The following LRRC4C variants were observed in gnomAD, a reference collection of about 807,000 sequenced individuals.
LRRC4C encodes leucine-rich repeat-containing protein 4C.
In LRRC4C, 5 loss-of-function variants were observed where a neutral mutation model predicts 33.6. The ratio of observed to expected loss-of-function variants is 0.15; its 90% CI spans 0.08 to 0.31. The LOEUF (loss-of-function observed/expected upper bound fraction) is 0.31, where lower values mean the gene tolerates loss of function less well. Ranked by LOEUF, LRRC4C falls within the 10% of genes least tolerant of loss-of-function variation. The pLI, the probability that LRRC4C is intolerant of heterozygous loss-of-function variation, is 1.00. For missense variants in LRRC4C, 560 were observed against 796.7 expected, an observed-to-expected ratio of 0.70 and a Z score of 3.58; for synonymous variants, 329 against 302.0, an observed-to-expected ratio of 1.09 and a Z score of -0.93.
At chr11:41,130,858 C>T (rs1350038684) in intron 1 of LRRC4C, among the ~76,000 whole-genome samples, 2 of 151,936 alleles carry the variant, frequency 1.3e-5, no homozygotes, top group East Asian at 3.9e-4. Flanking sequence ...GTCTCTCCTC[C>T]AACCAATAAT....
intron 5 of LRRC4C, among the ~76,000 whole-genome samples, chr11:40,175,925 G>A (rs965341948): frequency 6.6e-6 from 1 of 152,066 alleles, no homozygotes; most frequent in Non-Finnish European, 1.5e-5. Context: ...TGTGTCCCAT[G>A]CCCTGAACTA....
intron 3 of LRRC4C, among the ~76,000 whole-genome samples, chr11:40,433,734 G>A (rs116678047): frequency 4.6e-5 from 7 of 152,248 alleles, no homozygotes; most frequent in African/African-American, 1.4e-4. Context: ...TGCCCACAGA[G>A]GATATATGTG....
intron 2 of LRRC4C, among the ~76,000 whole-genome samples, chr11:40,825,047 T>C (rs1265607977): frequency 1.3e-5 from 2 of 151,910 alleles, no homozygotes; most frequent in Non-Finnish European, 2.9e-5. Context: ...ATCCACTAAG[T>C]ACATTGTGTA....
Position 40,115,693 on chromosome 11 carries a change from C to T in LRRC4C, c.600G>A (p.Arg200=). The change falls in exon 7 of 7, where the codon AGG becomes AGA. Residue 200 remains arginine, a synonymous_variant. Transcript: ENST00000528697. This position sits in a 1 kb window ranked among gnomAD's most constrained non-coding sequence, Gnocchi z 6.7. ...EGAFEGLSNL[R]YLNLAMCNLR... ...GGTTGCACATGGCAAGGTTCAAATA[C>T]CTCAAGTTGGACAGACCTTCAAAGG... 1 of 1,614,114 alleles carries T rather than the reference C, an allele frequency of 6.2e-7. No homozygotes were observed.
chr11:40,124,229 A>G (rs907070441), intron 6 of LRRC4C, among the ~76,000 whole-genome samples: 8 of 152,176 alleles, frequency 5.3e-5, no homozygotes, highest in African/African-American at 1.7e-4. Flanking sequence ...TATAACCACT[A>G]TGGAATACAC....
intron 1 of LRRC4C, among the ~76,000 whole-genome samples, chr11:41,455,545 G>A (rs1028708858): frequency 6.6e-6 from 1 of 152,004 alleles, no homozygotes; most frequent in South Asian, 2.1e-4. Flanking sequence ...TTTGGAAAAC[G>A]CCAAAACTAT....
intron 4 of LRRC4C, among the ~76,000 whole-genome samples, chr11:40,244,297 C>T (rs1276234678): frequency 6.6e-6 from 1 of 152,000 alleles, no homozygotes; most frequent in Non-Finnish European, 1.5e-5. Context: ...TTCAGCCCCC[C>T]ATCTGAGCTC....
chr11:41,350,146 A>C (rs991124791), intron 1 of LRRC4C, among the ~76,000 whole-genome samples: 1 of 152,228 alleles, frequency 6.6e-6, no homozygotes, highest in Non-Finnish European at 1.5e-5. Context: ...TTTTGACCTC[A>C]GTGACTACCT....
chr11:40,398,494 C>T (rs1046673922), intron 3 of LRRC4C, among the ~76,000 whole-genome samples: 3 of 152,012 alleles, frequency 2.0e-5, no homozygotes, highest in African/African-American at 4.8e-5. Flanking sequence ...AAATGTTCAA[C>T]AGACCTTTGT....
chr11:40,237,221 A>C (rs914440096), intron 5 of LRRC4C, among the ~76,000 whole-genome samples: 4 of 152,186 alleles, frequency 2.6e-5, no homozygotes, highest in African/African-American at 9.6e-5. Context: ...AGTGCAATCT[A>C]GTTGGAAGGG....
chr11:40,336,126 G>A (rs2136970371), intron 3 of LRRC4C, among the ~76,000 whole-genome samples: 1 of 152,204 alleles, frequency 6.6e-6, no homozygotes, highest in Admixed American at 6.5e-5. Context: ...AGATGATGGC[G>A]ATATAATAGC....
chr11:41,071,027 A>T (rs1361593214), intron 1 of LRRC4C, among the ~76,000 whole-genome samples: 1 of 152,216 alleles, frequency 6.6e-6, no homozygotes, highest in African/African-American at 2.4e-5. Flanking sequence ...GTTAGACCAG[A>T]TAAAGAAAAT....
chr11:40,627,765 T>A (rs1963091173), intron 3 of LRRC4C, among the ~76,000 whole-genome samples: 1 of 152,164 alleles, frequency 6.6e-6, no homozygotes, highest in Non-Finnish European at 1.5e-5. Flanking sequence ...GCTGAGAAAC[T>A]CAAGCGTGAA....
intron 1 of LRRC4C, among the ~76,000 whole-genome samples, chr11:41,095,809 G>A (rs1162416197): frequency 1.3e-5 from 2 of 152,164 alleles, no homozygotes; most frequent in Non-Finnish European, 2.9e-5. Flanking sequence ...TGATAACGGT[G>A]GTGTTTTGAT....
intron 2 of LRRC4C, among the ~76,000 whole-genome samples, chr11:40,929,847 C>G (rs1250477871): frequency 1.3e-5 from 2 of 152,116 alleles, no homozygotes; most frequent in African/African-American, 2.4e-5. Flanking sequence ...TTTTCCAAGA[C>G]CTTTCCTCTA....
intron 2 of LRRC4C, among the ~76,000 whole-genome samples, chr11:40,900,878 CTT>C (rs1330920143): frequency 1.3e-5 from 2 of 151,762 alleles, no homozygotes; most frequent in Non-Finnish European, 2.9e-5. Flanking sequence ...TTTACTAAGA[CTT>C]AATATCAATA....
chr11:40,318,022 A>T (rs540378132), intron 4 of LRRC4C, among the ~76,000 whole-genome samples: 1 of 152,234 alleles, frequency 6.6e-6, no homozygotes, highest in Non-Finnish European at 1.5e-5. Context: ...GTGTCAAATT[A>T]AAAATATTGA....
At chr11:40,827,162 C>G (rs1258202096) in intron 2 of LRRC4C, among the ~76,000 whole-genome samples, 1 of 151,750 alleles carries the variant, frequency 6.6e-6, no homozygotes, top group South Asian at 2.1e-4. Context: ...ATAATGGCTA[C>G]TGAAATGTCA....
chr11:40,870,004 T>C (rs902898243), intron 2 of LRRC4C, among the ~76,000 whole-genome samples: 3 of 152,092 alleles, frequency 2.0e-5, no homozygotes, highest in Non-Finnish European at 4.4e-5. Context: ...GTTCATAACA[T>C]ACTGTGGTGC....
Sources: gnomAD v4.1 joint callset for allele counts (sites outside exome capture counted in the v4.1 genomes callset) on GRCh38, gnomAD v4.1.1 for gene constraint, Gnocchi (gnomAD v3.1) non-coding constraint, MANE v1.5 for transcripts, NCBI Gene and HGNC (gene_info 2026-07-23, HGNC 2026-07-21) for gene names.